The following B4GALNT3 variants were observed in gnomAD, a reference collection of about 807,000 sequenced individuals.
B4GALNT3 encodes the protein beta-1,4-N-acetylgalactosaminyltransferase 3.
Under a neutral mutation model 120.2 loss-of-function variants are expected in B4GALNT3, and 86 were observed. That is an observed-to-expected ratio of 0.72 (90% CI 0.60 to 0.86). The LOEUF (loss-of-function observed/expected upper bound fraction) is 0.86, where lower values mean the gene tolerates loss of function less well. Among genes scored for constraint, B4GALNT3 ranks in the 40% least tolerant of loss-of-function variants. The pLI is 0.00. For synonymous variants in B4GALNT3, 518 were observed against 510.4 expected (o/e 1.01, Z -0.20); for missense variants, 1,167 against 1,298.9 (o/e 0.90, Z 1.56).
At chr12:498,561 A>G (rs1946410434) in intron 1 of B4GALNT3, among the ~76,000 whole-genome samples, 1 of 152,150 alleles carries the variant, frequency 6.6e-6, no homozygotes, top group Non-Finnish European at 1.5e-5. Context: ...TTAGGAGACA[A>G]GGATCCCTGT....
At chr12:485,761 A>G (rs1276740687) in intron 1 of B4GALNT3, among the ~76,000 whole-genome samples, 2 of 152,166 alleles carry the variant, frequency 1.3e-5, no homozygotes, top group Non-Finnish European at 2.9e-5. Context: ...AACCTAGTCA[A>G]CTTCTGGTCT....
At chr12:544,503 A>G in intron 4 of B4GALNT3, 69 bp downstream of exon 4, 2 of 1,358,092 alleles carry the variant, frequency 1.5e-6, no homozygotes, top group Non-Finnish European at 2.1e-6. Flanking sequence ...TCTGTCTCTC[A>G]TCTTTCCTTA....
intron 1 of B4GALNT3, among the ~76,000 whole-genome samples, chr12:485,313 A>G (rs1946281292): frequency 6.6e-6 from 1 of 152,206 alleles, no homozygotes; most frequent in African/African-American, 2.4e-5. Context: ...AGCAAAGTTG[A>G]GAGAAAAGGA....
At chr12:544,567 GC>G in intron 4 of B4GALNT3, 133 bp downstream of exon 4, 1 of 807,204 alleles carries the variant, frequency 1.2e-6, no homozygotes, top group Non-Finnish European at 2.0e-6. Context: ...CTTTTTGTCT[GC>G]CCATAATAGT....
intron 1 of B4GALNT3, among the ~76,000 whole-genome samples, chr12:494,223 A>G (rs2120515788): frequency 6.6e-6 from 1 of 151,568 alleles, no homozygotes; most frequent in East Asian, 1.9e-4. Flanking sequence ...GGCTGCCGTG[A>G]GCCATGATCG....
At position 547,652 on chromosome 12, in the gene B4GALNT3, A is replaced by G. The variant is rs568761033; in HGVS notation, c.708-372A>G. On this transcript the variant is annotated intron_variant, in intron 7 of 19. Coordinates refer to ENST00000266383, the MANE Select transcript of B4GALNT3 (RefSeq NM_173593.4). ...CCTCCACCCCTCATCACTCTGGCAGACTACCCAAGCCTTCTGTGCCTCTGT... is the reference window on the plus strand; with the variant it reads ...CCTCCACCCCTCATCACTCTGGCAGGCTACCCAAGCCTTCTGTGCCTCTGT... Among the ~76,000 whole-genome samples the G allele has an allele frequency of 1.6e-4, 24 of 152,256 alleles. No individual in the cohort carries two copies. The South Asian group carries it at 5.0e-3, about 32-fold the overall frequency.
chr12:460,608 G>C lies in B4GALNT3; in HGVS notation c.169+63G>C, dbSNP rs1443149887. 3 of 1,278,096 alleles carry C rather than the reference G, an allele frequency of 2.3e-6. No homozygotes were observed. The highest frequency in any genetic ancestry group is 3.1e-5 in the African/African-American group (2 of 64,662). 79.2% of individuals were successfully genotyped at this position (1,278,096 alleles called of 1,614,324 possible). On this transcript the variant is annotated intron_variant, in intron 1 of 19. Coordinates refer to ENST00000266383, the MANE Select transcript of B4GALNT3 (RefSeq NM_173593.4). The surrounding 1 kb of genome is among the most constrained non-coding windows in gnomAD (Gnocchi z 8.0). ...GGGCGGCGGCGGCGGCTCCTGCGTT[G>C]GGGGGACCCGCCTCTCATCCCATCC...
At chr12:528,042 A>C (rs1946773523) in intron 1 of B4GALNT3, among the ~76,000 whole-genome samples, 1 of 151,984 alleles carries the variant, frequency 6.6e-6, no homozygotes, top group South Asian at 2.1e-4. Context: ...ATAAGATGGC[A>C]ATAGTGGAGG....
At chr12:466,233 G>T (rs1946079417) in intron 1 of B4GALNT3, among the ~76,000 whole-genome samples, 1 of 152,176 alleles carries the variant, frequency 6.6e-6, no homozygotes. Flanking sequence ...AGGCTGGTAA[G>T]TACGCTGCAG....
intron 14 of B4GALNT3, among the ~76,000 whole-genome samples, chr12:555,802 T>TA (rs1317904424): frequency 2.0e-5 from 3 of 152,078 alleles, no homozygotes; most frequent in Admixed American, 1.3e-4. Context: ...TTTTTTTTTT[T>TA]GAGACGGAGT....
intron 1 of B4GALNT3, among the ~76,000 whole-genome samples, chr12:525,636 C>T (rs913349868): frequency 2.0e-5 from 3 of 152,244 alleles, no homozygotes; most frequent in Non-Finnish European, 4.4e-5. Context: ...CTCCTCAAGT[C>T]AGGGCGGAGT....
chr12:487,722 A>AG (rs1244732943), intron 1 of B4GALNT3, among the ~76,000 whole-genome samples: 1 of 151,210 alleles, frequency 6.6e-6, no homozygotes, highest in African/African-American at 2.4e-5. Flanking sequence ...TGAAAAAAAA[A>AG]AAAAGAAAGA....
intron 1 of B4GALNT3, among the ~76,000 whole-genome samples, chr12:506,002 A>G (rs1380140130): frequency 2.0e-5 from 3 of 152,312 alleles, no homozygotes; most frequent in South Asian, 4.1e-4. Context: ...TCTTCTTATA[A>G]ATCAGATTGT....
chr12:543,383 C>G (rs950241064), intron 3 of B4GALNT3, among the ~76,000 whole-genome samples: 1 of 150,510 alleles, frequency 6.6e-6, no homozygotes, highest in Non-Finnish European at 1.5e-5. Flanking sequence ...GGGTGCTCAT[C>G]CTCCTGGAGC....
rs1443149887 is a variant in B4GALNT3, at chr12:460,608, G to T, written c.169+63G>T. The T allele has an allele frequency of 7.8e-7, 1 of 1,278,094 alleles. No homozygotes were observed. The highest frequency in any genetic ancestry group is 1.5e-5 in the African/African-American group (1 of 64,662). The allele number at this position is 1,278,094 out of a possible 1,614,324, so 79.2% of individuals were successfully genotyped here. On this transcript the variant is annotated intron_variant, in intron 1 of 19. Transcript: ENST00000266383. This position sits in a 1 kb window ranked among gnomAD's most constrained non-coding sequence, Gnocchi z 8.0. Reference sequence around the variant, plus strand: ...GGGCGGCGGCGGCGGCTCCTGCGTTGGGGGGACCCGCCTCTCATCCCATCC... The same window carrying T: ...GGGCGGCGGCGGCGGCTCCTGCGTTTGGGGGACCCGCCTCTCATCCCATCC...
chr12:518,614 G>A (rs755402336), intron 1 of B4GALNT3, among the ~76,000 whole-genome samples: 6 of 151,876 alleles, frequency 4.0e-5, no homozygotes, highest in African/African-American at 7.3e-5. Flanking sequence ...GCTCAGCCTG[G>A]TCTCCAACTC....
chr12:541,793 A>C (rs1946918586), intron 3 of B4GALNT3, among the ~76,000 whole-genome samples: 1 of 150,058 alleles, frequency 6.7e-6, no homozygotes, highest in Non-Finnish European at 1.5e-5. Context: ...AGGAGTGGCC[A>C]GCCAGTGCCT....
Position 507,067 on chromosome 12 carries a change from CG to C in B4GALNT3, c.170-28097del, listed in dbSNP as rs546109393. ...ATTATTGGCATCTTGCATTAAGCCC[CG>C]GTACATTTGTCATGATTAATGAACC... is the stretch of plus-strand genomic sequence containing the variant. On this transcript the variant is annotated intron_variant, in intron 1 of 19. Transcript: ENST00000266383. Among the ~76,000 whole-genome samples the C allele has an allele frequency of 1.2e-3, 179 of 152,310 alleles. 1 individual carries two copies. The highest frequency in any genetic ancestry group is 4.2e-3 in the African/African-American group (173 of 41,562).
chr12:480,528 C>T (rs1026247282), intron 1 of B4GALNT3, among the ~76,000 whole-genome samples: 22 of 13,204 alleles, frequency 1.7e-3, no homozygotes, highest in Non-Finnish European at 8.1e-3. Flanking sequence ...AAAGAAAATG[C>T]ATTGGCCTTA....
Sources: allele counts gnomAD v4.1 joint callset (sites outside exome capture counted in the v4.1 genomes callset), GRCh38; gene constraint gnomAD v4.1.1; non-coding constraint Gnocchi (gnomAD v3.1); transcripts MANE v1.5; gene names NCBI Gene and HGNC (gene_info 2026-07-23, HGNC 2026-07-21).